The following GRIK1 variants were observed in gnomAD, a reference collection of about 807,000 sequenced individuals.
GRIK1 encodes the protein glutamate ionotropic receptor kainate type subunit 1.
Under a neutral mutation model 105.7 loss-of-function variants are expected in GRIK1, and 69 were observed. The observed-to-expected ratio is 0.65, with a 90% CI of 0.54 to 0.80. The LOEUF is 0.80. Among genes scored for constraint, GRIK1 ranks in the 30% least tolerant of loss-of-function variants. The pLI is 0.00. For synonymous variants in GRIK1, 438 were observed against 431.3 expected (o/e 1.02, Z -0.19); for missense variants, 1,109 against 1,167.3 (o/e 0.95, Z 0.73).
At chr21:29,694,119 T>G in intron 1 of GRIK1, 56 bp from the exon 2 acceptor site, 1 of 548,104 alleles carries the variant, frequency 1.8e-6, no homozygotes. Flanking sequence ...CACATGTAAT[T>G]TTTTTTTTTT....
At chr21:29,718,188 A>G (rs1160796068) in intron 1 of GRIK1, among the ~76,000 whole-genome samples, 1 of 152,218 alleles carries the variant, frequency 6.6e-6, no homozygotes, top group South Asian at 2.1e-4. Context: ...TTATTTCTTC[A>G]TAGCAGCATG....
chr21:29,608,059 G>C (rs911733734), intron 7 of GRIK1, among the ~76,000 whole-genome samples: 2 of 152,090 alleles, frequency 1.3e-5, no homozygotes, highest in African/African-American at 4.8e-5. Context: ...ATATTGGCAT[G>C]ATGATTACCA....
At chr21:29,765,183 CAA>C (rs2065627793) in intron 1 of GRIK1, among the ~76,000 whole-genome samples, 1 of 152,080 alleles carries the variant, frequency 6.6e-6, no homozygotes, top group Admixed American at 6.6e-5. Flanking sequence ...GCCAAGAAGT[CAA>C]AGACCTTTAT....
intron 14 of GRIK1, among the ~76,000 whole-genome samples, chr21:29,564,170 C>A (rs536325486): frequency 6.6e-6 from 1 of 151,778 alleles, no homozygotes; most frequent in Non-Finnish European, 1.5e-5. Context: ...TTTTTTGAGA[C>A]GGAGTCTCGC....
intron 1 of GRIK1, among the ~76,000 whole-genome samples, chr21:29,857,986 G>A (rs779687166): frequency 1.3e-5 from 2 of 152,190 alleles, no homozygotes. Context: ...TGCAGCATCC[G>A]CCTCCCAGGC....
intron 1 of GRIK1, among the ~76,000 whole-genome samples, chr21:29,820,270 C>G (rs1033086534): frequency 5.3e-5 from 8 of 152,064 alleles, no homozygotes; most frequent in African/African-American, 1.9e-4. Flanking sequence ...TTTTCACCCT[C>G]ATCATTTCTC....
At chr21:29,741,757 G>T (rs2064935978) in intron 1 of GRIK1, among the ~76,000 whole-genome samples, 1 of 152,180 alleles carries the variant, frequency 6.6e-6, no homozygotes, top group African/African-American at 2.4e-5. Context: ...TTATCCAACA[G>T]TTATGTTTAT....
chr21:29,877,179 G>T (rs1263451994), intron 1 of GRIK1, among the ~76,000 whole-genome samples: 2 of 152,046 alleles, frequency 1.3e-5, no homozygotes, highest in African/African-American at 4.8e-5. Context: ...TCTAGGGCCT[G>T]CAGTAATAAA....
rs1019886626 is a variant in GRIK1 at position 29,781,962 on chromosome 21, G to A, written c.119-87899C>T. ...TGGGATTACAGGCGTGAGCCACCGC[G>A]CCCGGCCTAACCTACTGTTTCTAAA... On this transcript the variant is annotated intron_variant, in intron 1 of 17. Transcript: ENST00000327783. Among the ~76,000 whole-genome samples the A allele has an allele frequency of 5.9e-5, 9 of 151,490 alleles. No individual in the cohort carries two copies. In the South Asian group the frequency reaches 6.3e-4, roughly 11 times the overall value.
intron 7 of GRIK1, among the ~76,000 whole-genome samples, chr21:29,606,446 T>A (rs2061618455): frequency 6.6e-6 from 1 of 152,090 alleles, no homozygotes; most frequent in African/African-American, 2.4e-5. Context: ...CCTGGTGGCC[T>A]CTAGAACCAC....
intron 1 of GRIK1, among the ~76,000 whole-genome samples, chr21:29,873,176 T>A (rs1394035474): frequency 6.6e-6 from 1 of 152,242 alleles, no homozygotes; most frequent in Non-Finnish European, 1.5e-5. Context: ...AAATGGACTA[T>A]TTGGAAACCC....
chr21:29,795,321 C>G (rs1235937397), intron 1 of GRIK1, among the ~76,000 whole-genome samples: 4 of 152,162 alleles, frequency 2.6e-5, no homozygotes, highest in African/African-American at 7.2e-5. Context: ...CAGGCATGAG[C>G]CACCGTGCCC....
chr21:29,822,514 ACGG>A (rs1966185443), intron 1 of GRIK1, among the ~76,000 whole-genome samples: 1 of 152,034 alleles, frequency 6.6e-6, no homozygotes. Context: ...CTCAGAATAG[ACGG>A]CCCCTCATCC....
At chr21:29,887,555 A>G (rs1233516886) in intron 1 of GRIK1, among the ~76,000 whole-genome samples, 1 of 152,176 alleles carries the variant, frequency 6.6e-6, no homozygotes, top group African/African-American at 2.4e-5. Flanking sequence ...GACTACTGAT[A>G]ACAACATACA....
At chr21:29,865,524 C>T (rs1306224420) in intron 1 of GRIK1, among the ~76,000 whole-genome samples, 1 of 152,164 alleles carries the variant, frequency 6.6e-6, no homozygotes, top group East Asian at 1.9e-4. Context: ...TGTGTAAACA[C>T]AATGAAATGT....
At chr21:29,672,940 T>C (rs2063186762) in intron 4 of GRIK1, 43 bp downstream of exon 4, 1 of 1,430,210 alleles carries the variant, frequency 7.0e-7, no homozygotes, top group Non-Finnish European at 9.6e-7. Context: ...AAATAGAAAA[T>C]AACATTTATC....
chr21:29,862,173 C>T (rs2068664934), intron 1 of GRIK1, among the ~76,000 whole-genome samples: 1 of 151,940 alleles, frequency 6.6e-6, no homozygotes, highest in Non-Finnish European at 1.5e-5. Context: ...TTTTTTGTGG[C>T]AATAGGGTCT....
At chr21:29,889,093 C>A (rs1439292392) in intron 1 of GRIK1, among the ~76,000 whole-genome samples, 2 of 152,114 alleles carry the variant, frequency 1.3e-5, no homozygotes, top group East Asian at 1.9e-4. Context: ...CTTCTAAAAT[C>A]TTCTTACTTG....
chr21:29,808,056 C>T (rs2066912013), intron 1 of GRIK1, among the ~76,000 whole-genome samples: 1 of 152,112 alleles, frequency 6.6e-6, no homozygotes, highest in Admixed American at 6.6e-5. Context: ...CTATTCTCCA[C>T]TGGATTTGAA....
Sources: allele counts gnomAD v4.1 joint callset (sites outside exome capture counted in the v4.1 genomes callset), GRCh38; gene constraint gnomAD v4.1.1; transcripts MANE v1.5; gene names NCBI Gene and HGNC (gene_info 2026-07-23, HGNC 2026-07-21).